DLG2: variants seen among roughly 807,000 people sequenced by gnomAD.
The protein encoded by DLG2 is discs large MAGUK scaffold protein 2.
In DLG2, 45 loss-of-function variants were observed where a neutral mutation model predicts 132.5. The observed-to-expected ratio is 0.34, with a 90% CI of 0.27 to 0.44. The LOEUF (loss-of-function observed/expected upper bound fraction) is 0.44, where lower values mean the gene tolerates loss of function less well. Ranked by LOEUF, DLG2 falls within the 20% of genes least tolerant of loss-of-function variation. The pLI is 1.00. For synonymous variants in DLG2, 424 were observed against 419.6 expected (o/e 1.01, Z -0.13); for missense variants, 1,045 against 1,196.9 (o/e 0.87, Z 1.87).
At chr11:85,468,856 C>G (rs573477426) in intron 3 of DLG2, among the ~76,000 whole-genome samples, 1 of 152,202 alleles carries the variant, frequency 6.6e-6, no homozygotes, top group Admixed American at 6.5e-5. Flanking sequence ...TGGAGTCTCA[C>G]CACATTGCCT....
intron 19 of DLG2, among the ~76,000 whole-genome samples, chr11:83,576,343 A>T (rs1025654632): frequency 6.6e-6 from 1 of 152,190 alleles, no homozygotes; most frequent in African/African-American, 2.4e-5. Context: ...AGTGAGAAGG[A>T]AAGGAAAAAT....
intron 9 of DLG2, among the ~76,000 whole-genome samples, chr11:84,135,386 G>A (rs934034983): frequency 6.6e-6 from 1 of 151,982 alleles, no homozygotes; most frequent in Non-Finnish European, 1.5e-5. Context: ...AAGAAAAATG[G>A]GGCTGTTATT....
chr11:85,019,687 C>G (rs779492820), intron 6 of DLG2, among the ~76,000 whole-genome samples: 27 of 152,218 alleles, frequency 1.8e-4, no homozygotes, highest in South Asian at 1.7e-3. Flanking sequence ...TGTCATTGTT[C>G]AATTCCCACC....
Position 84,655,212 on chromosome 11 carries a change from C to T in DLG2, c.358-120481G>A, listed in dbSNP as rs562096264. ...ATTTAACCATTCTATTTCCTCCCGT[C>T]CCATTCCAATCTCCTTTCATTTCAT... is the stretch of plus-strand genomic sequence containing the variant. On this transcript the variant is annotated intron_variant, in intron 6 of 27. Transcript: ENST00000376104. Among the ~76,000 whole-genome samples the T allele has an allele frequency of 9.2e-5, 14 of 152,240 alleles. No individual in the cohort carries two copies. In the East Asian group the frequency reaches 1.2e-3, roughly 13 times the overall value.
In DLG2 at chr11:84,771,142, G is replaced by A. The variant is rs559419857; in HGVS notation, c.358-236411C>T. ...TCCTTTGGGTATACACTCAGTCGTG[G>A]GATTGCTGGGTCAAATGGCATTTCT... On this transcript the variant is annotated intron_variant, in intron 6 of 27. Coordinates refer to ENST00000376104, the MANE Select transcript of DLG2 (RefSeq NM_001142699.3). 3.3e-5 allele frequency among the ~76,000 whole-genome samples: 5 copies of A among 152,236 alleles called. No individual in the cohort carries two copies. In the East Asian group the frequency reaches 7.7e-4, roughly 24 times the overall value.
At chr11:84,819,789 C>T (rs184875703) in intron 6 of DLG2, among the ~76,000 whole-genome samples, 2 of 151,610 alleles carry the variant, frequency 1.3e-5, no homozygotes, top group African/African-American at 4.8e-5. Flanking sequence ...AAAGTGGCAG[C>T]AGCTGAATTC....
At chr11:84,418,684 CA>C (rs2098938157) in intron 7 of DLG2, among the ~76,000 whole-genome samples, 1 of 152,144 alleles carries the variant, frequency 6.6e-6, no homozygotes, top group South Asian at 2.1e-4. Flanking sequence ...AGGCTTTCCC[CA>C]ATCTGGTCCT....
intron 11 of DLG2, among the ~76,000 whole-genome samples, chr11:84,023,973 C>T (rs1380128202): frequency 6.6e-6 from 1 of 152,058 alleles, no homozygotes; most frequent in Non-Finnish European, 1.5e-5. Flanking sequence ...GTATATAATA[C>T]ATATAACATA....
intron 7 of DLG2, among the ~76,000 whole-genome samples, chr11:84,278,287 G>A (rs2097805475): frequency 6.6e-6 from 1 of 151,878 alleles, no homozygotes; most frequent in African/African-American, 2.4e-5. Context: ...GAAGAAATAA[G>A]TACTTTACAT....
At chr11:83,806,798 T>C (rs2046018717) in intron 17 of DLG2, among the ~76,000 whole-genome samples, 1 of 152,168 alleles carries the variant, frequency 6.6e-6, no homozygotes, top group Non-Finnish European at 1.5e-5. Context: ...AGAGGAATTA[T>C]TAATCAGCTC....
At chr11:85,007,256 T>C (rs567316617) in intron 6 of DLG2, among the ~76,000 whole-genome samples, 3 of 152,252 alleles carry the variant, frequency 2.0e-5, no homozygotes, top group East Asian at 3.9e-4. Context: ...GTCAGGCAAT[T>C]GTGAAGATTA....
intron 3 of DLG2, among the ~76,000 whole-genome samples, chr11:85,487,948 AGGGACCC>A (rs2093467743): frequency 2.0e-5 from 3 of 152,328 alleles, no homozygotes; most frequent in African/African-American, 7.2e-5. Flanking sequence ...GTGCTGTGGG[AGGGACCC>A]AGTGGGAGAT....
intron 17 of DLG2, among the ~76,000 whole-genome samples, chr11:83,795,944 T>C (rs926645779): frequency 6.6e-6 from 1 of 152,188 alleles, no homozygotes; most frequent in Non-Finnish European, 1.5e-5. Context: ...CATGCTATTT[T>C]CCATATCTAG....
intron 21 of DLG2, among the ~76,000 whole-genome samples, chr11:83,492,740 T>C (rs1052485795): frequency 6.6e-6 from 1 of 152,028 alleles, no homozygotes; most frequent in Non-Finnish European, 1.5e-5. Flanking sequence ...ATAAATCCTG[T>C]GTTCTCAGCT....
chr11:83,813,132 A>G (rs1796902287), intron 17 of DLG2, among the ~76,000 whole-genome samples: 1 of 152,166 alleles, frequency 6.6e-6, no homozygotes, highest in Non-Finnish European at 1.5e-5. Context: ...TTGCACATCT[A>G]GTTGATAGTA....
At chr11:84,042,116 T>C (rs1019157374) in intron 11 of DLG2, among the ~76,000 whole-genome samples, 2 of 151,964 alleles carry the variant, frequency 1.3e-5, no homozygotes, top group African/African-American at 2.4e-5. Context: ...CTTGTACAGA[T>C]GTAGGTTGTG....
intron 6 of DLG2, among the ~76,000 whole-genome samples, chr11:84,605,778 T>C (rs1218590802): frequency 6.6e-6 from 1 of 152,016 alleles, no homozygotes; most frequent in Non-Finnish European, 1.5e-5. Context: ...GCCTCTGGTC[T>C]GAAATTTCCT....
intron 6 of DLG2, among the ~76,000 whole-genome samples, chr11:84,925,425 G>A (rs1018765789): frequency 2.0e-5 from 3 of 152,060 alleles, no homozygotes; most frequent in African/African-American, 7.2e-5. Context: ...AAACACCTGA[G>A]TATACCTGTC....
At chr11:83,529,283 A>T (rs933587120) in intron 21 of DLG2, among the ~76,000 whole-genome samples, 29 of 152,070 alleles carry the variant, frequency 1.9e-4, no homozygotes, top group African/African-American at 3.4e-4. Flanking sequence ...ATTCAAAGTG[A>T]GTGGCATCTC....
Sources: allele counts gnomAD v4.1 joint callset (sites outside exome capture counted in the v4.1 genomes callset), GRCh38; gene constraint gnomAD v4.1.1; transcripts MANE v1.5; gene names NCBI Gene and HGNC (gene_info 2026-07-23, HGNC 2026-07-21).